CSRNP2: variants seen among roughly 807,000 people sequenced by gnomAD.
CSRNP2 encodes cysteine/serine-rich nuclear protein 2.
Under a neutral mutation model 36.6 loss-of-function variants are expected in CSRNP2, and 11 were observed. The ratio of observed to expected loss-of-function variants is 0.30; its 90% confidence interval spans 0.19 to 0.50. CSRNP2 has a LOEUF of 0.50. Among genes scored for constraint, CSRNP2 ranks in the 20% least tolerant of loss-of-function variants. The probability of loss-of-function intolerance (pLI) is 0.98; values close to 1 mark genes in which losing one functional copy is unlikely to be tolerated. For missense variants in CSRNP2, 483 were observed against 691.4 expected (o/e 0.70, Z 3.38); for synonymous variants, 248 against 275.3 (o/e 0.90, Z 0.98).
intron 1 of CSRNP2, 86 bp from the exon 2 acceptor site, chr12:51,076,733 C>T: frequency 1.6e-6 from 1 of 643,970 alleles, no homozygotes; most frequent in Non-Finnish European, 2.7e-6. Flanking sequence ...AAAGAAAGCA[C>T]CTCACCTAGC....
intron 1 of CSRNP2, among the ~76,000 whole-genome samples, chr12:51,081,800 G>T (rs1156642852): frequency 6.8e-6 from 1 of 146,964 alleles, no homozygotes; most frequent in African/African-American, 2.5e-5. Context: ...AGGCCTAAAA[G>T]GATTCCTATA....
rs59501412 is a variant in CSRNP2, at chr12:51,075,838, CAGG to C, written c.151+570_151+572del. Among the ~76,000 whole-genome samples, 1,457 of 152,276 alleles carry C rather than the reference CAGG, an allele frequency of 9.6e-3. 21 individuals are homozygous for C. The highest frequency in any genetic ancestry group is 0.033 in the African/African-American group (1,390 of 41,542). On this transcript the variant is annotated intron_variant, in intron 2 of 4. Transcript: ENST00000228515. The stretch of plus-strand genomic sequence containing the variant: ...CCGAGGCGGGTGGGTCACCTGTGGT[CAGG>C]AGTTCAAGACCAACCTGGCCAACAT...
Position 51,063,345 on chromosome 12 carries a change from A to C in CSRNP2, c.*401T>G, listed in dbSNP as rs1165812068. 6.4e-6 allele frequency: 1 copy of C among 155,232 alleles called. No homozygotes were observed. Among genetic ancestry groups the C allele is most frequent in the Non-Finnish European group, 1.4e-5 (1 of 70,282 alleles). 9.6% of individuals were successfully genotyped at this position (155,232 alleles called of 1,614,324 possible). ...GGGATATCAGAATAACCACCGAGAA[A>C]AATGAGCTTGTACTCTGCCTGGGGC... On this transcript the variant is annotated 3_prime_UTR_variant, in exon 5 of 5. Transcript: ENST00000228515.
chr12:51,081,787 T>C (rs1377294005), intron 1 of CSRNP2, among the ~76,000 whole-genome samples: 1 of 151,802 alleles, frequency 6.6e-6, no homozygotes, highest in Non-Finnish European at 1.5e-5. Context: ...CTAAGTTTTT[T>C]TCAGGCCTAA....
intron 1 of CSRNP2, chr12:51,081,627 C>A (rs1939645344): frequency 6.6e-6 from 1 of 152,256 alleles, no homozygotes; most frequent in African/African-American, 2.4e-5. Context: ...CTGACACTTT[C>A]TGGCTACATG....
chr12:51,066,651 A>AC (rs1233226775), intron 4 of CSRNP2, among the ~76,000 whole-genome samples: 1 of 151,152 alleles, frequency 6.6e-6, no homozygotes, highest in African/African-American at 2.4e-5. Flanking sequence ...AAAAAAAAAA[A>AC]AGGGCAGCCA....
At position 51,067,983 on chromosome 12, in the gene CSRNP2, G is replaced by T. The variant is rs897777193; in HGVS notation, c.412-14C>A. On this transcript the variant is annotated splice_polypyrimidine_tract_variant and intron_variant, in intron 3 of 4. Transcript: ENST00000228515. The surrounding 1 kb of genome is among the most constrained non-coding windows in gnomAD (Gnocchi z 4.1). ...ATTCTTGGTCAGCTGCCAAGAGACAGGAAAGGTTAGCCTCATAGACATGAG... is the reference window on the plus strand; with the variant it reads ...ATTCTTGGTCAGCTGCCAAGAGACATGAAAGGTTAGCCTCATAGACATGAG... The T allele has an allele frequency of 5.6e-6, 9 of 1,610,332 alleles. No homozygotes were observed. In the Admixed American group the frequency reaches 1.5e-4, roughly 27 times the overall value.
chr12:51,066,266 T>C lies in CSRNP2; in HGVS notation c.708+1407A>G, dbSNP rs1378127809. Among the ~76,000 whole-genome samples, 5 of 151,602 alleles carry C rather than the reference T, an allele frequency of 3.3e-5. No individual in the cohort carries two copies. In the South Asian group the frequency reaches 1.0e-3, roughly 32 times the overall value. On this transcript the variant is annotated intron_variant, in intron 4 of 4. Coordinates refer to ENST00000228515, the MANE Select transcript of CSRNP2 (RefSeq NM_030809.3). Reference sequence around the variant, plus strand: ...TCAAGAGATCGAGACCATCCTGGCCTACATGGTGAAACGCCGTCTCTACTA... The same window carrying C: ...TCAAGAGATCGAGACCATCCTGGCCCACATGGTGAAACGCCGTCTCTACTA...
chr12:51,070,810 T>C (rs1408353895), intron 3 of CSRNP2, among the ~76,000 whole-genome samples: 1 of 152,178 alleles, frequency 6.6e-6, no homozygotes, highest in South Asian at 2.1e-4. Flanking sequence ...AGAATGTACA[T>C]TTTTTGAAAC....
rs1462868149 is a variant in CSRNP2 at position 51,062,551 on chromosome 12, T to G, written c.*1195A>C. The G allele has an allele frequency of 6.6e-6, 1 of 152,210 alleles. No homozygotes were observed. The highest frequency in any genetic ancestry group is 1.5e-5 in the Non-Finnish European group (1 of 68,032). The allele number at this position is 152,210 out of a possible 1,614,324, so 9.4% of individuals were successfully genotyped here. A position where few individuals can be genotyped will look rare whatever the true frequency, so the allele number is the denominator to read the frequency against. On this transcript the variant is annotated 3_prime_UTR_variant, in exon 5 of 5. Coordinates refer to ENST00000228515, the MANE Select transcript of CSRNP2 (RefSeq NM_030809.3). ...AGGTTATAATTAGAACTTGAATCCT[T>G]TGGAATCTGGGAGTTGCATGTAGCA...
intron 2 of CSRNP2, 55 bp downstream of exon 2, chr12:51,076,356 G>A (rs1298615395): frequency 5.0e-6 from 8 of 1,587,940 alleles, no homozygotes; most frequent in African/African-American, 1.3e-5. Context: ...GAGCTGCCAT[G>A]GGTTCTGCTG....
At position 51,061,963 on chromosome 12, in the gene CSRNP2, T is replaced by A. The variant is rs995419291; in HGVS notation, c.*1783A>T. On this transcript the variant is annotated 3_prime_UTR_variant, in exon 5 of 5. Coordinates refer to ENST00000228515, the MANE Select transcript of CSRNP2 (RefSeq NM_030809.3). ...TTCTGGGTAGCTTCGAGAGCTCAGGTACTTAAAAGACTCTCAACTGTGTTT... is the reference window on the plus strand; with the variant it reads ...TTCTGGGTAGCTTCGAGAGCTCAGGAACTTAAAAGACTCTCAACTGTGTTT... 5 of 152,158 alleles carry A rather than the reference T, an allele frequency of 3.3e-5. No individual in the cohort carries two copies. Among genetic ancestry groups the A allele is most frequent in the African/African-American group, 1.2e-4 (5 of 41,432 alleles). The allele number at this position is 152,158 out of a possible 1,614,324, so 9.4% of individuals were successfully genotyped here.
intron 1 of CSRNP2, among the ~76,000 whole-genome samples, chr12:51,077,370 T>C (rs1328150853): frequency 1.3e-5 from 2 of 152,228 alleles, no homozygotes; most frequent in Non-Finnish European, 2.9e-5. Flanking sequence ...AAATTGCCTA[T>C]AGTGGAACTT....
chr12:51,080,172 G>GT (rs1939585262), intron 1 of CSRNP2, among the ~76,000 whole-genome samples: 3 of 144,720 alleles, frequency 2.1e-5, no homozygotes, highest in African/African-American at 7.7e-5. Flanking sequence ...AGGCAGGCAG[G>GT]CAGGCGGTCT....
At position 51,064,094 on chromosome 12, in the gene CSRNP2, C is replaced by A. The variant is rs369508518; in HGVS notation, c.1284G>T (p.Leu428Phe). 37 of 1,614,158 alleles carry A rather than the reference C, an allele frequency of 2.3e-5. 2 individuals carry two copies. Among genetic ancestry groups the A allele is most frequent in the South Asian group, 6.6e-5 (6 of 91,084 alleles). ...CCGTACCAGGCTCTCCTTTCACTCC[C>A]AAGACTGGCCTCTGCTCCACTTGAT... ...VYYQVEQRPV[L>F]GVKGEPGTEE... The change falls in exon 5 of 5, where the codon TTG becomes TTT. Residue 428 changes from leucine to phenylalanine, a missense_variant. Leu to Phe is a conservative substitution (Grantham distance 22, BLOSUM62 0). Transcript: ENST00000228515.
intron 3 of CSRNP2, among the ~76,000 whole-genome samples, chr12:51,072,222 G>A (rs10783412): frequency 0.89 from 135,335 of 152,076 alleles, 60,472 homozygotes; most frequent in East Asian, 0.98. Flanking sequence ...ATTTTTGAGA[G>A]GTAGTAGCAA....
At chr12:51,069,316 G>A (rs1462549159) in intron 3 of CSRNP2, among the ~76,000 whole-genome samples, 1 of 144,868 alleles carries the variant, frequency 6.9e-6, no homozygotes, top group Non-Finnish European at 1.5e-5. Context: ...TTGAGACAGG[G>A]TCTCACTGTC....
intron 2 of CSRNP2, among the ~76,000 whole-genome samples, chr12:51,075,436 T>C (rs548333560): frequency 2.0e-5 from 3 of 152,218 alleles, no homozygotes; most frequent in African/African-American, 4.8e-5. Context: ...AAGTGCTCAA[T>C]AGCCACATAT....
rs183590150 is a variant in CSRNP2, at chr12:51,067,581, C to T, written c.708+92G>A. On this transcript the variant is annotated intron_variant, in intron 4 of 4. Coordinates refer to ENST00000228515, the MANE Select transcript of CSRNP2 (RefSeq NM_030809.3). The surrounding 1 kb of genome is among the most constrained non-coding windows in gnomAD (Gnocchi z 4.1). Reference sequence around the variant, plus strand: ...AGTGTTCACAACCATAGGGAATCCACCCCTGAATGGGCCTCCCATGTTCAG... The same window carrying T: ...AGTGTTCACAACCATAGGGAATCCATCCCTGAATGGGCCTCCCATGTTCAG... 1 of 1,262,610 alleles carries T rather than the reference C, an allele frequency of 7.9e-7. No homozygotes were observed. Among genetic ancestry groups the T allele is most frequent in the East Asian group, 2.3e-5 (1 of 42,946 alleles). The allele number at this position is 1,262,610 out of a possible 1,614,324, so 78.2% of individuals were successfully genotyped here.
Sources: allele counts gnomAD v4.1 joint callset (sites outside exome capture counted in the v4.1 genomes callset), GRCh38; gene constraint gnomAD v4.1.1; non-coding constraint Gnocchi (gnomAD v3.1); transcripts MANE v1.5; gene names NCBI Gene and HGNC (gene_info 2026-07-23, HGNC 2026-07-21).